The following SETX variants were observed in gnomAD, a reference collection of about 807,000 sequenced individuals.
The protein encoded by SETX is helicase senataxin.
In SETX, 90 loss-of-function variants were observed where a neutral mutation model predicts 227.2. The ratio of observed to expected loss-of-function variants is 0.40; its 90% CI spans 0.33 to 0.47. SETX has a LOEUF of 0.47. Ranked by LOEUF, SETX falls within the 20% of genes least tolerant of loss-of-function variation. The pLI is 0.91. For synonymous variants in SETX, 1,210 were observed against 1,113.2 expected, an observed-to-expected ratio of 1.09 and a Z score of -1.73; for missense variants, 3,052 against 3,181.5, an observed-to-expected ratio of 0.96 and a Z score of 0.98.
At chr9:132,285,319 C>T (rs980408026) in intron 18 of SETX, among the ~76,000 whole-genome samples, 2 of 152,188 alleles carry the variant, frequency 1.3e-5, no homozygotes, top group African/African-American at 4.8e-5. Flanking sequence ...CTTATAACCA[C>T]CTCTTAGAAA....
intron 7 of SETX, among the ~76,000 whole-genome samples, chr9:132,334,402 C>T (rs1564552571): frequency 6.6e-6 from 1 of 152,086 alleles, no homozygotes. Context: ...GAGCTGACAT[C>T]GCACCATTGC....
chr9:132,298,721 AAGAC>A (rs1181890225), intron 12 of SETX, among the ~76,000 whole-genome samples: 3 of 152,222 alleles, frequency 2.0e-5, no homozygotes, highest in Non-Finnish European at 4.4e-5. Context: ...CAAAGATCGT[AAGAC>A]AGAGATGTGC....
chr9:132,342,654 C>CA (rs1406913575), intron 5 of SETX, 36 bp downstream of exon 5: 1 of 1,381,982 alleles, frequency 7.2e-7, no homozygotes, highest in South Asian at 1.2e-5. Context: ...TACAAAAGCA[C>CA]AATATACCCT....
At chr9:132,287,758 CA>C in intron 17 of SETX, among the ~76,000 whole-genome samples, 1 of 121,248 alleles carries the variant, frequency 8.2e-6, no homozygotes, top group East Asian at 2.6e-4. Flanking sequence ...AAATTAAAAC[CA>C]AAAGGACAAA....
In SETX at chr9:132,262,091, T is replaced by C. The variant is rs529497302; in HGVS notation, c.*2148A>G. ...GGCCGTCACAGGACACAGGCTCGTC[T>C]GTTAGAAAGGATGATCTAGTTCTAC... On this transcript the variant is annotated 3_prime_UTR_variant, in exon 26 of 26. Transcript: ENST00000224140. 1 of 152,402 alleles carries C rather than the reference T, an allele frequency of 6.6e-6. No individual in the cohort carries two copies. The highest frequency in any genetic ancestry group is 1.5e-5 in the Non-Finnish European group (1 of 68,040). The allele number at this position is 152,402 out of a possible 1,614,324, so 9.4% of individuals were successfully genotyped here. A position where few individuals can be genotyped will look rare whatever the true frequency, so the allele number is the denominator to read the frequency against.
rs150776059 is a variant in SETX, at chr9:132,330,133, C to T, written c.1465G>A (p.Val489Ile). ...WVSSQQWVEA[V>I]VKCAKLPTTA... The stretch of plus-strand genomic sequence containing the variant: ...GTAGGAAGCTTGGCACATTTGACGA[C>T]GGCTTCCACCCATTGCTGGGAACTT... Residue 489 changes from valine (V) to isoleucine (I), a missense_variant, in exon 10 of 26, where the codon GTC (valine) becomes ATC (isoleucine). Physicochemically the swap from Val to Ile is conservative, Grantham distance 29. This residue lies in a region of SETX where 179 missense variants were observed against 197.1 expected (regional missense o/e 0.91). Transcript: ENST00000224140. The T allele has an allele frequency of 6.8e-6, 11 of 1,612,134 alleles. No homozygotes were observed. Among genetic ancestry groups the T allele is most frequent in the African/African-American group, 2.7e-5 (2 of 74,928 alleles).
upstream of SETX, chr9:132,355,099 G>GCC (rs556009979): frequency 6.6e-6 from 1 of 152,010 alleles, no homozygotes; most frequent in East Asian, 1.9e-4. Context: ...TGGTTTTGGT[G>GCC]CCCCCCAGGG....
chr9:132,292,699 A>G (rs552097106), intron 15 of SETX, among the ~76,000 whole-genome samples: 44 of 142,448 alleles, frequency 3.1e-4, no homozygotes, highest in African/African-American at 9.0e-4. Flanking sequence ...GCGCGATCTC[A>G]GCTCACTGCA....
rs763958761 is a variant in SETX at position 132,326,591 on chromosome 9, C to T, written c.5007G>A (p.Arg1669=). 1 of 1,614,160 alleles carries T rather than the reference C, an allele frequency of 6.2e-7. No individual in the cohort carries two copies. The highest frequency in any genetic ancestry group is 1.1e-5 in the South Asian group (1 of 91,082). ...CACCAAATGGAACTTTGCAACCTTG[C>T]CTGTTGGAATTATTCGGAGACTGAG... ...LHPQSPNNSN[R]QGCKVPFGES... Residue 1669 remains arginine (R), a synonymous_variant, in exon 10 of 26, where the codon AGG becomes AGA. Transcript: ENST00000224140.
At chr9:132,302,067 G>A (rs1845027746) in intron 11 of SETX, among the ~76,000 whole-genome samples, 2 of 152,162 alleles carry the variant, frequency 1.3e-5, no homozygotes, top group Non-Finnish European at 2.9e-5. Context: ...AAAAATACCA[G>A]CAGATGGCCG....
rs565413034 is a variant in SETX at position 132,346,121 on chromosome 9, C to T, written c.388+140G>A. The T allele has an allele frequency of 7.1e-6, 5 of 706,110 alleles. No individual in the cohort carries two copies. The African/African-American group carries it at 7.2e-5, about 10-fold the overall frequency. The allele number at this position is 706,110 out of a possible 1,614,324, so 43.7% of individuals were successfully genotyped here. A position where few individuals can be genotyped will look rare whatever the true frequency, so the allele number is the denominator to read the frequency against. On this transcript the variant is annotated intron_variant, in intron 4 of 25. Transcript: ENST00000224140. ...GTGTTTGAACTCAAAAAATAAAAAA[C>T]GTTGGAAAAAAAATGAAGTCCTAAT...
In SETX at chr9:132,295,906, G is replaced by T; in HGVS notation, c.6072C>A (p.Phe2024Leu). 1 of 1,613,768 alleles carries T rather than the reference G, an allele frequency of 6.2e-7. No individual in the cohort carries two copies. Residue 2024 changes from phenylalanine to leucine, a missense_variant, in exon 15 of 26, where the codon TTC (phenylalanine) becomes TTA (leucine). By Grantham distance (22) the Phe-to-Leu change is conservative. This residue lies in a region of SETX where 412 missense variants were observed against 589.0 expected (regional missense o/e 0.70). Coordinates refer to ENST00000224140, the MANE Select transcript of SETX (RefSeq NM_015046.7). ...TCTTCTTGTCTTTACATTTTTCTTT[G>T]AATTCAAGGATAATTTTTTTCATGA... is the stretch of plus-strand genomic sequence containing the variant. ...DELMKKIILE[F>L]KEKCKDKKNP...
chr9:132,335,815 A>G (rs112205110), intron 6 of SETX, among the ~76,000 whole-genome samples: 12 of 152,356 alleles, frequency 7.9e-5, no homozygotes, highest in African/African-American at 2.9e-4. Flanking sequence ...TAGGATATAA[A>G]TACTGTTTAA....
rs1282557438 is a variant in SETX at position 132,329,948 on chromosome 9, C to T, written c.1650G>A (p.Gly550=). 1.9e-6 allele frequency: 3 copies of T among 1,614,188 alleles called. No individual in the cohort carries two copies. Among genetic ancestry groups the T allele is most frequent in the Non-Finnish European group, 2.5e-6 (3 of 1,180,016 alleles). Residue 550 remains glycine (G), a synonymous_variant, in exon 10 of 26, where the codon GGG becomes GGA. Coordinates refer to ENST00000224140, the MANE Select transcript of SETX (RefSeq NM_015046.7). The part of the protein sequence containing the change: ...RSLLKEGYQL[G]QQSLCKRFWD... The stretch of plus-strand genomic sequence containing the variant: ...AGAATCGCTTGCAAAGAGACTGCTG[C>T]CCAAGCTGATAACCTTCTTTAAGGA...
chr9:132,299,214 C>G (rs1844848508), intron 12 of SETX, among the ~76,000 whole-genome samples: 1 of 152,130 alleles, frequency 6.6e-6, no homozygotes, highest in Non-Finnish European at 1.5e-5. Flanking sequence ...AGAAGTGAGG[C>G]CCCAATTAAC....
chr9:132,264,538 C>G lies in SETX; in HGVS notation c.7735G>C (p.Val2579Leu). 1 of 1,613,990 alleles carries G rather than the reference C, an allele frequency of 6.2e-7. No homozygotes were observed. Among genetic ancestry groups the G allele is most frequent in the East Asian group, 2.2e-5 (1 of 44,864 alleles). ...TPPTGEPGFP[V>L]VHQDLSHIQQ... Reference sequence around the variant, plus strand: ...ATATGGCTCAGGTCCTGGTGAACGACAGGGAAGCCCGGCTCGCCCGTAGGA... The same window carrying G: ...ATATGGCTCAGGTCCTGGTGAACGAGAGGGAAGCCCGGCTCGCCCGTAGGA... The change falls in exon 26 of 26, where the codon GTC becomes CTC. Residue 2579 changes from valine (V) to leucine (L), a missense_variant. By Grantham distance (32) the Val-to-Leu change is conservative (BLOSUM62 1). Coordinates refer to ENST00000224140, the MANE Select transcript of SETX (RefSeq NM_015046.7).
intron 5 of SETX, among the ~76,000 whole-genome samples, chr9:132,339,972 ATC>A (rs1373891757): frequency 5.3e-5 from 8 of 152,138 alleles, no homozygotes; most frequent in Non-Finnish European, 1.2e-4. Context: ...GACGTCTTAC[ATC>A]TTTGTTAACA....
At chr9:132,345,601 AAG>A (rs113496069) in intron 4 of SETX, among the ~76,000 whole-genome samples, 6,261 of 152,280 alleles carry the variant, frequency 0.041, 433 homozygotes, top group African/African-American at 0.14. Flanking sequence ...TAATTGAACA[AAG>A]AGGTGAACAG....
At chr9:132,289,646 T>C (rs1326977051) in intron 15 of SETX, among the ~76,000 whole-genome samples, 1 of 152,184 alleles carries the variant, frequency 6.6e-6, no homozygotes, top group Non-Finnish European at 1.5e-5. Flanking sequence ...AGAATCTTAT[T>C]TGACCATCGA....
Sources: gnomAD v4.1 joint callset for allele counts (sites outside exome capture counted in the v4.1 genomes callset) on GRCh38, gnomAD v4.1.1 for gene constraint, gnomAD v4.1.1 regional missense constraint, MANE v1.5 for transcripts, NCBI Gene and HGNC (gene_info 2026-07-23, HGNC 2026-07-21) for gene names.